TENM2: variants seen among roughly 807,000 people sequenced by gnomAD.
TENM2 encodes the protein teneurin transmembrane protein 2.
A neutral mutation model predicts 245.2 loss-of-function variants in TENM2; 52 were observed. The observed-to-expected ratio is 0.21, with a 90% CI of 0.17 to 0.27. The LOEUF (loss-of-function observed/expected upper bound fraction) is 0.27. Ranked by LOEUF, TENM2 falls within the 10% of genes least tolerant of loss-of-function variation. TENM2 has a pLI of 1.00. For missense variants in TENM2, 3,046 were observed against 3,666.8 expected, an observed-to-expected ratio of 0.83 and a Z score of 4.37; for synonymous variants, 1,363 against 1,438.9, an observed-to-expected ratio of 0.95 and a Z score of 1.19.
At chr5:167,354,885 T>C (rs1156862466) in intron 1 of TENM2, among the ~76,000 whole-genome samples, 2 of 152,154 alleles carry the variant, frequency 1.3e-5, no homozygotes, top group Non-Finnish European at 2.9e-5. Context: ...CCTTTTACTT[T>C]CAAAAGAATC....
chr5:167,650,846 G>A (rs1383365147), intron 2 of TENM2, among the ~76,000 whole-genome samples: 1 of 152,174 alleles, frequency 6.6e-6, no homozygotes, highest in Non-Finnish European at 1.5e-5. Flanking sequence ...AGGCAAGCCA[G>A]TATAAACCAA....
rs1020463497 is a variant in TENM2 at position 168,227,808 on chromosome 5, TA to T, written c.5285-78del. The T allele has an allele frequency of 7.7e-4, 649 of 841,798 alleles. 1 individual carries two copies. Among genetic ancestry groups the T allele is most frequent in the African/African-American group, 2.0e-3 (118 of 58,066 alleles). The allele number at this position is 841,798 out of a possible 1,614,324, so 52.1% of individuals were successfully genotyped here. ...GCTGCAAAGTACCATGGAAACCTAT[TA>T]AAAAAAAATAGGGGTTCTATTCTCT... is the stretch of plus-strand genomic sequence containing the variant. On this transcript the variant is annotated intron_variant, in intron 24 of 28. Transcript: ENST00000518659.
the TENM2 span, among the ~76,000 whole-genome samples, chr5:167,252,988 G>T: frequency 6.6e-6 from 1 of 152,154 alleles, no homozygotes; most frequent in South Asian, 2.1e-4. Context: ...TGACCGTGTG[G>T]GCAACATGAT....
At chr5:167,028,747 TCAATGTG>T in the TENM2 span, among the ~76,000 whole-genome samples, 6 of 152,202 alleles carry the variant, frequency 3.9e-5, no homozygotes, top group Admixed American at 2.0e-4. Flanking sequence ...GAAATCCAAT[TCAATGTG>T]TCCGCTCAGT....
At chr5:167,037,257 A>AT in the TENM2 span, among the ~76,000 whole-genome samples, 1 of 152,138 alleles carries the variant, frequency 6.6e-6, no homozygotes, top group Non-Finnish European at 1.5e-5. Flanking sequence ...GCTATTTTTC[A>AT]TTTTTTGGAA....
chr5:167,445,918 C>A (rs1187821605), intron 2 of TENM2, among the ~76,000 whole-genome samples: 1 of 152,076 alleles, frequency 6.6e-6, no homozygotes, highest in East Asian at 1.9e-4. Context: ...CTTCTTGGTG[C>A]TTATGTACGT....
At chr5:167,890,966 A>G (rs139627605) in intron 3 of TENM2, among the ~76,000 whole-genome samples, 11 of 152,348 alleles carry the variant, frequency 7.2e-5, no homozygotes, top group African/African-American at 2.6e-4. Context: ...TACTTAACAG[A>G]TAATCCATTT....
At chr5:167,058,603 C>T in the TENM2 span, among the ~76,000 whole-genome samples, 1 of 151,990 alleles carries the variant, frequency 6.6e-6, no homozygotes, top group Non-Finnish European at 1.5e-5. Flanking sequence ...TATAAAAAAT[C>T]AGCCAGGTGT....
At chr5:167,743,192 G>A (rs1363997399) in intron 2 of TENM2, among the ~76,000 whole-genome samples, 1 of 152,162 alleles carries the variant, frequency 6.6e-6, no homozygotes, top group Non-Finnish European at 1.5e-5. Flanking sequence ...TCCAATAGTT[G>A]TTGACTAATA....
At chr5:167,157,141 T>C in the TENM2 span, among the ~76,000 whole-genome samples, 2 of 152,176 alleles carry the variant, frequency 1.3e-5, no homozygotes, top group Admixed American at 6.5e-5. Context: ...AGGAAAAATA[T>C]CTTATATAGT....
chr5:167,301,599 G>C (rs1279712078), intron 1 of TENM2, among the ~76,000 whole-genome samples: 1 of 152,158 alleles, frequency 6.6e-6, no homozygotes, highest in African/African-American at 2.4e-5. Context: ...ATTTAATGTT[G>C]GGAGCAGATT....
intron 2 of TENM2, among the ~76,000 whole-genome samples, chr5:167,474,184 T>G (rs1767220800): frequency 6.6e-6 from 1 of 152,234 alleles, no homozygotes; most frequent in African/African-American, 2.4e-5. Context: ...TGTCAAGTAT[T>G]TACTTACAGT....
intron 2 of TENM2, among the ~76,000 whole-genome samples, chr5:167,719,078 C>T (rs1381046128): frequency 1.3e-5 from 2 of 152,080 alleles, no homozygotes; most frequent in Non-Finnish European, 2.9e-5. Context: ...CATTATTCTG[C>T]ATTTATATGC....
At chr5:167,474,808 A>G (rs914985784) in intron 2 of TENM2, among the ~76,000 whole-genome samples, 64 of 152,156 alleles carry the variant, frequency 4.2e-4, no homozygotes, top group African/African-American at 1.5e-3. Context: ...GAGCCATTGC[A>G]CTTGGCCTAA....
chr5:167,251,706 C>T, the TENM2 span, among the ~76,000 whole-genome samples: 1 of 152,092 alleles, frequency 6.6e-6, no homozygotes, highest in Admixed American at 6.5e-5. Flanking sequence ...TGAATTTCCT[C>T]TATGGGATTT....
chr5:167,242,046 G>GTT, the TENM2 span, among the ~76,000 whole-genome samples: 29 of 131,476 alleles, frequency 2.2e-4, no homozygotes, highest in East Asian at 4.3e-4. Context: ...TTTGTTTTTT[G>GTT]TTTTTTTTTT....
At chr5:167,891,118 A>T (rs948627295) in intron 3 of TENM2, among the ~76,000 whole-genome samples, 32 of 151,574 alleles carry the variant, frequency 2.1e-4, no homozygotes, top group Admixed American at 7.9e-4. Context: ...ACATGTATTT[A>T]AAAAAAATAG....
rs115931551 is a variant in TENM2, at chr5:167,891,128, G to A, written c.712+14933G>A. Among the ~76,000 whole-genome samples the A allele has an allele frequency of 3.9e-3, 589 of 152,200 alleles. 3 individuals are homozygous for A. Among genetic ancestry groups the A allele is most frequent in the African/African-American group, 0.013 (541 of 41,520 alleles). On this transcript the variant is annotated intron_variant, in intron 3 of 28. Coordinates refer to ENST00000518659, the Ensembl canonical transcript of TENM2. ...TATTCACATGTATTTAAAAAAAATA[G>A]GTTGTTTACTTATTTTGTGTTACAT...
chr5:168,200,869 C>T (rs1562274625), intron 17 of TENM2, among the ~76,000 whole-genome samples: 1 of 152,122 alleles, frequency 6.6e-6, no homozygotes, highest in South Asian at 2.1e-4. Context: ...AATTAAAATC[C>T]AGAATCCTGT....
Sources: gnomAD v4.1 joint callset for allele counts (sites outside exome capture counted in the v4.1 genomes callset) on GRCh38, gnomAD v4.1.1 for gene constraint, MANE v1.5 for transcripts, NCBI Gene and HGNC (gene_info 2026-07-23, HGNC 2026-07-21) for gene names.